ZNG1E: variants seen among roughly 807,000 people sequenced by gnomAD.
The protein encoded by ZNG1E is zinc-regulated GTPase metalloprotein activator 1E.
the ZNG1E span, among the ~76,000 whole-genome samples, chr9:65,685,872 A>G: frequency 6.7e-6 from 1 of 149,654 alleles, no homozygotes; most frequent in Admixed American, 6.7e-5. Context: ...TATTTCTTAA[A>G]TAAGACTTAA....
the ZNG1E span, among the ~76,000 whole-genome samples, chr9:65,671,622 G>C: frequency 6.6e-6 from 1 of 152,240 alleles, no homozygotes; most frequent in Non-Finnish European, 1.5e-5. Flanking sequence ...GTCTGGCTGA[G>C]ATTGCTTTTT....
chr9:65,716,339 G>C, the ZNG1E span, among the ~76,000 whole-genome samples: 66 of 149,150 alleles, frequency 4.4e-4, no homozygotes, highest in Non-Finnish European at 6.9e-4. Context: ...TTAATTTTCT[G>C]TAAGCATGGG....
At chr9:65,688,222 ATAATTAT>A in the ZNG1E span, among the ~76,000 whole-genome samples, 5 of 135,142 alleles carry the variant, frequency 3.7e-5, no homozygotes, top group African/African-American at 1.4e-4. Context: ...TAAATTATTA[ATAATTAT>A]TAATTAATTG....
At chr9:65,680,502 T>C in the ZNG1E span, among the ~76,000 whole-genome samples, 1 of 152,076 alleles carries the variant, frequency 6.6e-6, no homozygotes, top group African/African-American at 2.4e-5. Context: ...CTTTTCTTCA[T>C]GTTTCATTAA....
chr9:65,676,605 AG>A, the ZNG1E span, among the ~76,000 whole-genome samples: 1 of 151,426 alleles, frequency 6.6e-6, no homozygotes, highest in Non-Finnish European at 1.5e-5. Context: ...AAAGTCCTCC[AG>A]CCAGTTGGCA....
chr9:65,665,322 T>G, the ZNG1E span, among the ~76,000 whole-genome samples: 1 of 152,260 alleles, frequency 6.6e-6, no homozygotes, highest in Non-Finnish European at 1.5e-5. Flanking sequence ...CTTCATACCC[T>G]GCATCCCAGC....
the ZNG1E span, among the ~76,000 whole-genome samples, chr9:65,699,255 A>T: frequency 4.2e-5 from 6 of 141,302 alleles, no homozygotes. Flanking sequence ...TTTTTTCCTT[A>T]TGAAAATATG....
At chr9:65,666,281 T>C in the ZNG1E span, among the ~76,000 whole-genome samples, 8 of 150,526 alleles carry the variant, frequency 5.3e-5, no homozygotes, top group African/African-American at 1.9e-4. Flanking sequence ...TTTCTCATGC[T>C]GTTTTTGTGA....
chr9:65,686,464 A>G, the ZNG1E span, among the ~76,000 whole-genome samples: 2 of 152,218 alleles, frequency 1.3e-5, no homozygotes, highest in South Asian at 2.1e-4. Context: ...GTGAAACCCC[A>G]TCTCGACTAA....
chr9:65,691,667 T>A, the ZNG1E span, among the ~76,000 whole-genome samples: 154 of 151,862 alleles, frequency 1.0e-3, no homozygotes, highest in African/African-American at 3.3e-3. Context: ...CTTTTATTTT[T>A]ATCCTCCAGG....
the ZNG1E span, among the ~76,000 whole-genome samples, chr9:65,698,886 A>G: frequency 2.8e-5 from 4 of 140,606 alleles, no homozygotes; most frequent in African/African-American, 5.5e-5. Flanking sequence ...ATATATATAT[A>G]TGTGTAATAA....
the ZNG1E span, among the ~76,000 whole-genome samples, chr9:65,714,202 T>C: frequency 6.7e-6 from 1 of 148,648 alleles, no homozygotes; most frequent in African/African-American, 2.6e-5. Context: ...GGTTTTCAGC[T>C]CCATCAGCTC....
At chr9:65,715,140 T>G in the ZNG1E span, among the ~76,000 whole-genome samples, 7 of 149,260 alleles carry the variant, frequency 4.7e-5, no homozygotes, top group South Asian at 2.1e-4. Flanking sequence ...CGCAGTATTC[T>G]GGTGGGAGTG....
At chr9:65,714,383 G>C in the ZNG1E span, among the ~76,000 whole-genome samples, 1 of 151,630 alleles carries the variant, frequency 6.6e-6, no homozygotes, top group Non-Finnish European at 1.5e-5. Context: ...GTCCAGCTTT[G>C]TTCTGTTGTT....
the ZNG1E span, among the ~76,000 whole-genome samples, chr9:65,663,643 T>C: frequency 6.6e-6 from 1 of 151,444 alleles, no homozygotes; most frequent in African/African-American, 2.4e-5. Flanking sequence ...GCTATGAATG[T>C]CATAAATGTT....
At chr9:65,660,359 ACT>A in the ZNG1E span, among the ~76,000 whole-genome samples, 2 of 143,234 alleles carry the variant, frequency 1.4e-5, no homozygotes, top group African/African-American at 5.5e-5. Context: ...AAAAATTATA[ACT>A]CATAAAATTA....
the ZNG1E span, among the ~76,000 whole-genome samples, chr9:65,663,923 A>G: frequency 6.6e-6 from 1 of 152,230 alleles, no homozygotes; most frequent in African/African-American, 2.4e-5. Flanking sequence ...GGTGTGTATC[A>G]TCACAAACAT....
the ZNG1E span, among the ~76,000 whole-genome samples, chr9:65,684,859 G>A: frequency 6.6e-6 from 1 of 152,162 alleles, no homozygotes; most frequent in African/African-American, 2.4e-5. Flanking sequence ...AATAGAGTGA[G>A]TCACACACAT....
chr9:65,672,259 A>G, the ZNG1E span, among the ~76,000 whole-genome samples: 12 of 151,730 alleles, frequency 7.9e-5, no homozygotes, highest in African/African-American at 2.9e-4. Flanking sequence ...GGCTCAAAAC[A>G]TTACTATTGT....
Sources: allele counts gnomAD v4.1 joint callset (sites outside exome capture counted in the v4.1 genomes callset), GRCh38; gene constraint gnomAD v4.1.1; transcripts MANE v1.5; gene names NCBI Gene and HGNC (gene_info 2026-07-23, HGNC 2026-07-21).